BICC1: variants seen among roughly 807,000 people sequenced by gnomAD.
BICC1 encodes the protein protein bicaudal C homolog 1.
Under a neutral mutation model 111.0 loss-of-function variants are expected in BICC1, and 43 were observed. That is an observed-to-expected ratio of 0.39 (90% CI 0.30 to 0.50). The LOEUF (loss-of-function observed/expected upper bound fraction) is 0.50. Among genes scored for constraint, BICC1 ranks in the 20% least tolerant of loss-of-function variants. The pLI, the probability that BICC1 is intolerant of heterozygous loss-of-function variation, is 0.88. For synonymous variants in BICC1, 467 were observed against 434.4 expected (o/e 1.07, Z -0.93); for missense variants, 1,091 against 1,203.2 (o/e 0.91, Z 1.38).
intron 1 of BICC1, among the ~76,000 whole-genome samples, chr10:58,595,035 C>T (rs1016574485): frequency 6.6e-6 from 1 of 152,082 alleles, no homozygotes; most frequent in African/African-American, 2.4e-5. Context: ...ATTTACCAAG[C>T]AAATGGAAAG....
chr10:58,760,188 C>A (rs1842271693), intron 3 of BICC1, among the ~76,000 whole-genome samples: 1 of 152,080 alleles, frequency 6.6e-6, no homozygotes, highest in African/African-American at 2.4e-5. Context: ...GTTGCCAGAT[C>A]TAAGAATGGG....
At chr10:58,813,503 A>G (rs1462107337) in intron 17 of BICC1, among the ~76,000 whole-genome samples, 2 of 152,182 alleles carry the variant, frequency 1.3e-5, no homozygotes, top group Non-Finnish European at 2.9e-5. Context: ...TTTGGTCTCC[A>G]AAATTGGAAG....
chr10:58,781,596 T>C (rs1589132609), intron 3 of BICC1, among the ~76,000 whole-genome samples: 1 of 152,226 alleles, frequency 6.6e-6, no homozygotes, highest in East Asian at 1.9e-4. Flanking sequence ...TCTAACCCTC[T>C]TTATAGCTGA....
chr10:58,773,547 A>G (rs1471029862), intron 3 of BICC1, among the ~76,000 whole-genome samples: 2 of 152,188 alleles, frequency 1.3e-5, no homozygotes, highest in African/African-American at 4.8e-5. Flanking sequence ...GGGGAGGACA[A>G]GGTATTGTGG....
In BICC1 at chr10:58,828,799, A is replaced by G. The variant is rs754153336; in HGVS notation, c.2833A>G (p.Asn945Asp). ...KNRRKLFESP[N>D]ARTSFLEGGA... ...CCGAAGAAAGCTTTTTGAATCGCCA[A>G]ATGCACGCACCTCTTTCCTGGAAGG... is the stretch of plus-strand genomic sequence containing the variant. The change falls in exon 21 of 21, where the codon AAT (asparagine) becomes GAT (aspartate). Residue 945 changes from asparagine to aspartate, a missense_variant. Transcript: ENST00000373886. 7 of 1,613,694 alleles carry G rather than the reference A, an allele frequency of 4.3e-6. No individual in the cohort carries two copies. The African/African-American group carries it at 8.0e-5, about 18-fold the overall frequency.
In BICC1 at chr10:58,699,951, C is replaced by T. The variant is rs145245346; in HGVS notation, c.238-2123C>T. On this transcript the variant is annotated intron_variant, in intron 2 of 20. Coordinates refer to ENST00000373886, the MANE Select transcript of BICC1 (RefSeq NM_001080512.3). ...AAGCAATCCTCCTGCCTCAGTCTCCCAAAGTGCTGGGATTATAGGCATGAG... is the reference window on the plus strand; with the variant it reads ...AAGCAATCCTCCTGCCTCAGTCTCCTAAAGTGCTGGGATTATAGGCATGAG... Among the ~76,000 whole-genome samples, 1,376 of 152,302 alleles carry T rather than the reference C, an allele frequency of 9.0e-3. 58 individuals are homozygous for T. The highest frequency in any genetic ancestry group is 0.059 in the East Asian group (306 of 5,182).
At chr10:58,699,463 G>A (rs184266448) in intron 2 of BICC1, among the ~76,000 whole-genome samples, 111 of 152,304 alleles carry the variant, frequency 7.3e-4, no homozygotes, top group Non-Finnish European at 1.3e-3. Flanking sequence ...TGTACATGCA[G>A]GGTTATTTCT....
chr10:58,512,708 C>T (rs1202385252), upstream of BICC1, among the ~76,000 whole-genome samples: 1 of 151,776 alleles, frequency 6.6e-6, no homozygotes, highest in Non-Finnish European at 1.5e-5. Flanking sequence ...GCAGTGTGTA[C>T]GTGGTGTGTG....
At chr10:58,665,475 G>GT (rs1388836977) in intron 2 of BICC1, among the ~76,000 whole-genome samples, 1 of 152,062 alleles carries the variant, frequency 6.6e-6, no homozygotes, top group African/African-American at 2.4e-5. Context: ...GCCTCAGAGA[G>GT]TATTTTTGTC....
intron 2 of BICC1, among the ~76,000 whole-genome samples, chr10:58,621,964 T>TAAC (rs1845831173): frequency 1.6e-5 from 1 of 62,340 alleles, no homozygotes; most frequent in Non-Finnish European, 3.4e-5. Flanking sequence ...TAGAATAGAA[T>TAAC]AGAATAATCC....
Position 58,513,188 on chromosome 10 carries a change from C to T in BICC1, c.45C>T (p.Asp15=), listed in dbSNP as rs566311141. 3 of 1,591,660 alleles carry T rather than the reference C, an allele frequency of 1.9e-6. No individual in the cohort carries two copies. Among genetic ancestry groups the T allele is most frequent in the African/African-American group, 1.4e-5 (1 of 73,398 alleles). The change falls in exon 1 of 21, where the codon GAC becomes GAT. Residue 15 remains aspartate (D), a synonymous_variant. Transcript: ENST00000373886. ...GEPGYLAAQS[D]PGSNSERSTD... ...CCGGCTACCTGGCGGCGCAGTCGGACCCCGGCTCCAACAGCGAGCGCAGCA... is the reference window on the plus strand; with the variant it reads ...CCGGCTACCTGGCGGCGCAGTCGGATCCCGGCTCCAACAGCGAGCGCAGCA...
At chr10:58,602,319 A>G (rs1405887708) in intron 1 of BICC1, among the ~76,000 whole-genome samples, 1 of 152,200 alleles carries the variant, frequency 6.6e-6, no homozygotes, top group Non-Finnish European at 1.5e-5. Flanking sequence ...TGTTTGCATC[A>G]TAAATGTACG....
chr10:58,695,093 G>A (rs1486925909), intron 2 of BICC1, among the ~76,000 whole-genome samples: 2 of 152,186 alleles, frequency 1.3e-5, no homozygotes, highest in Non-Finnish European at 2.9e-5. Context: ...AATGGAAAAT[G>A]TATGTAAATA....
At chr10:58,806,917 A>G (rs1843725886) in intron 16 of BICC1, 87 bp from the exon 17 acceptor site, 3 of 1,198,300 alleles carry the variant, frequency 2.5e-6, no homozygotes, top group East Asian at 2.4e-5. Context: ...TTCTTCACAT[A>G]TATCAAAGAA....
intron 3 of BICC1, among the ~76,000 whole-genome samples, chr10:58,764,524 G>C (rs1842405100): frequency 1.3e-5 from 2 of 152,088 alleles, no homozygotes; most frequent in South Asian, 4.2e-4. Flanking sequence ...TGATACTCAT[G>C]TATGTGCTGA....
intron 2 of BICC1, among the ~76,000 whole-genome samples, chr10:58,699,062 T>A (rs962098912): frequency 1.3e-5 from 2 of 152,236 alleles, no homozygotes; most frequent in African/African-American, 4.8e-5. Context: ...GAGTCACTTT[T>A]TTTCTAGTCA....
rs1844133928 is a variant in BICC1, at chr10:58,817,605, C to T, written c.2577C>T (p.Ser859=). 6.2e-7 allele frequency: 1 copy of T among 1,613,428 alleles called. No individual in the cohort carries two copies. The highest frequency in any genetic ancestry group is 8.5e-7 in the Non-Finnish European group (1 of 1,179,656). The change falls in exon 19 of 21, where the codon TCC becomes TCT. Residue 859 remains serine (S), a synonymous_variant. Transcript: ENST00000373886. The part of the protein sequence containing the change: ...LSSSNYMDCI[S]SLTGSNGCNL... ...GTAGCAATTACATGGACTGCATTTC[C>T]TCGCTGACAGGAAGCAATGGCTGTA...
At chr10:58,603,208 T>C (rs1373941825) in intron 1 of BICC1, among the ~76,000 whole-genome samples, 1 of 152,180 alleles carries the variant, frequency 6.6e-6, no homozygotes, top group Non-Finnish European at 1.5e-5. Flanking sequence ...AAGAGAGAAT[T>C]GTTTCCTCAC....
At chr10:58,568,211 T>TA (rs1564491393) in intron 1 of BICC1, among the ~76,000 whole-genome samples, 1 of 152,134 alleles carries the variant, frequency 6.6e-6, no homozygotes, top group Non-Finnish European at 1.5e-5. Context: ...TGCCTGAAAT[T>TA]AAGTGCTCTC....
Sources: gnomAD v4.1 joint callset for allele counts (sites outside exome capture counted in the v4.1 genomes callset) on GRCh38, gnomAD v4.1.1 for gene constraint, MANE v1.5 for transcripts, NCBI Gene and HGNC (gene_info 2026-07-23, HGNC 2026-07-21) for gene names.